ME3: variants seen among roughly 807,000 people sequenced by gnomAD.
ME3 encodes malic enzyme 3, also known as NADP-dependent malic enzyme, mitochondrial.
ME3 carries 48 observed loss-of-function variants against 68.9 expected under a neutral mutation model. That is an observed-to-expected ratio of 0.70 (90% CI 0.55 to 0.89). ME3 has a LOEUF of 0.89. Among genes scored for constraint, ME3 ranks in the 40% least tolerant of loss-of-function variants. The probability of loss-of-function intolerance (pLI) is 0.00; values close to 1 mark genes in which losing one functional copy is unlikely to be tolerated. For synonymous variants in ME3, 320 were observed against 318.8 expected (o/e 1.00, Z -0.04); for missense variants, 675 against 797.4 (o/e 0.85, Z 1.85).
rs542654325 is a variant in ME3 at position 86,525,535 on chromosome 11, A to G, written c.468-16668T>C. Among the ~76,000 whole-genome samples, 17 of 151,994 alleles carry G rather than the reference A, an allele frequency of 1.1e-4. No homozygotes were observed. The South Asian group carries it at 3.5e-3, about 32-fold the overall frequency. ...TTAAAAAAAAAAAAAAAGACCCACT[A>G]TATTTTGCCTACAAAAGATTCAGTT... On this transcript the variant is annotated intron_variant, in intron 4 of 14. Transcript: ENST00000543262.
chr11:86,449,935 G>A, exon 10 of ME3: 1 of 1,614,068 alleles, frequency 6.2e-7, no homozygotes. Flanking sequence ...CTTTCTTGTG[G>A]CCTCTGCCTT....
chr11:86,645,751 A>G (rs913246527), intron 2 of ME3, among the ~76,000 whole-genome samples: 1 of 152,146 alleles, frequency 6.6e-6, no homozygotes, highest in Non-Finnish European at 1.5e-5. Flanking sequence ...GTGCCTCCTG[A>G]AGGAGAGACA....
At chr11:86,599,274 A>C (rs771571658) in intron 2 of ME3, among the ~76,000 whole-genome samples, 26 of 152,238 alleles carry the variant, frequency 1.7e-4, no homozygotes, top group Non-Finnish European at 3.7e-4. Context: ...ATGAAGCTGA[A>C]AGCCAAGGCT....
chr11:86,620,634 A>C (rs1226023077), intron 2 of ME3, among the ~76,000 whole-genome samples: 1 of 152,240 alleles, frequency 6.6e-6, no homozygotes, highest in Non-Finnish European at 1.5e-5. Flanking sequence ...GGGAACAATC[A>C]TTAAAGGGAG....
At chr11:86,498,231 T>G in intron 5 of ME3, 107 bp from the exon 6 acceptor site, 1 of 1,334,540 alleles carries the variant, frequency 7.5e-7, no homozygotes. Flanking sequence ...GCCCACTGAC[T>G]TTGCCGGTGT....
intron 4 of ME3, among the ~76,000 whole-genome samples, chr11:86,543,304 A>T (rs991693153): frequency 6.6e-6 from 1 of 152,258 alleles, no homozygotes; most frequent in Non-Finnish European, 1.5e-5. Context: ...ACACATAACC[A>T]TATTAATCTT....
At chr11:86,441,538 G>T in intron 14 of ME3, 98 bp from the exon 15 acceptor site, 1 of 1,186,190 alleles carries the variant, frequency 8.4e-7, no homozygotes. Flanking sequence ...ACACCTTAAG[G>T]AACCAGACTT....
At chr11:86,601,128 C>T in intron 2 of ME3, among the ~76,000 whole-genome samples, 1 of 150,486 alleles carries the variant, frequency 6.6e-6, no homozygotes, top group Non-Finnish European at 1.5e-5. Context: ...GAAATAGAGA[C>T]ACAAAAAACC....
At chr11:86,485,083 G>A (rs1179709143) in intron 7 of ME3, among the ~76,000 whole-genome samples, 2 of 152,206 alleles carry the variant, frequency 1.3e-5, no homozygotes, top group Admixed American at 1.3e-4. Flanking sequence ...CCCACAGACA[G>A]TCCAGTGCAA....
At chr11:86,521,537 G>A (rs1954313006) in intron 4 of ME3, among the ~76,000 whole-genome samples, 2 of 151,912 alleles carry the variant, frequency 1.3e-5, no homozygotes, top group Admixed American at 6.6e-5. Flanking sequence ...AAAGTCAGTC[G>A]TAAAGGAGCC....
At chr11:86,671,455 A>G (rs1389118550) in intron 2 of ME3, among the ~76,000 whole-genome samples, 6 of 152,212 alleles carry the variant, frequency 3.9e-5, no homozygotes, top group Non-Finnish European at 5.9e-5. Flanking sequence ...AAGACCAATA[A>G]AATTAGTAAG....
chr11:86,631,347 G>T (rs1944002044), intron 2 of ME3, among the ~76,000 whole-genome samples: 1 of 152,166 alleles, frequency 6.6e-6, no homozygotes, highest in African/African-American at 2.4e-5. Context: ...AGGAGGGATA[G>T]AAAAGTTACA....
In ME3 at chr11:86,595,863, G is replaced by A. The variant is rs1342652680; in HGVS notation, c.184-36040C>T. Among the ~76,000 whole-genome samples, 5 of 152,228 alleles carry A rather than the reference G, an allele frequency of 3.3e-5. 1 individual carries two copies. Among genetic ancestry groups the A allele is most frequent in the Admixed American group, 3.3e-4 (5 of 15,288 alleles). ...ATGCTGTTATGGGGAAAGAAGTTGTGTTAGAGGGCACCTCTGGGTGGGCCC... is the reference window on the plus strand; with the variant it reads ...ATGCTGTTATGGGGAAAGAAGTTGTATTAGAGGGCACCTCTGGGTGGGCCC... On this transcript the variant is annotated intron_variant, in intron 2 of 14. Coordinates refer to ENST00000543262, the Ensembl canonical transcript of ME3.
rs1236136308 is a variant in ME3 at position 86,575,354 on chromosome 11, C to T, written c.184-15531G>A. ...ATGTTCTTACCCTCTTGTCACATTA[C>T]GAAAGGGAGTTATTTCTCTAGACCT... On this transcript the variant is annotated intron_variant, in intron 2 of 14. Coordinates refer to ENST00000543262, the Ensembl canonical transcript of ME3. Among the ~76,000 whole-genome samples the T allele has an allele frequency of 4.1e-5, 6 of 146,644 alleles. 1 individual carries two copies. The highest frequency in any genetic ancestry group is 1.1e-4 in the African/African-American group (4 of 37,932).
intron 2 of ME3, among the ~76,000 whole-genome samples, chr11:86,565,708 A>C (rs902879303): frequency 6.6e-6 from 1 of 152,226 alleles, no homozygotes; most frequent in Non-Finnish European, 1.5e-5. Flanking sequence ...GCATGTTTTA[A>C]ATATAAGCCT....
Position 86,613,943 on chromosome 11 carries a change from T to G in ME3, c.184-54120A>C, listed in dbSNP as rs991969703. ...TATACCCATCAAACTACCATTGATATTCTTCCTAGAATTAGAAAAAAATCT... is the reference window on the plus strand; with the variant it reads ...TATACCCATCAAACTACCATTGATAGTCTTCCTAGAATTAGAAAAAAATCT... On this transcript the variant is annotated intron_variant, in intron 2 of 14. Coordinates refer to ENST00000543262, the Ensembl canonical transcript of ME3. Among the ~76,000 whole-genome samples the G allele has an allele frequency of 2.0e-5, 3 of 152,214 alleles. No individual in the cohort carries two copies. In the East Asian group the frequency reaches 5.8e-4, roughly 29 times the overall value.
At chr11:86,557,241 C>A (rs553065471) in intron 3 of ME3, among the ~76,000 whole-genome samples, 2 of 152,286 alleles carry the variant, frequency 1.3e-5, no homozygotes, top group East Asian at 3.9e-4. Context: ...TGGTTCCTGT[C>A]ACGAGTTGTG....
intron 2 of ME3, among the ~76,000 whole-genome samples, chr11:86,564,216 ATCT>A (rs1957369311): frequency 6.6e-6 from 1 of 152,100 alleles, no homozygotes; most frequent in African/African-American, 2.4e-5. Context: ...CTATCTGTAT[ATCT>A]TCTTTGGTAA....
At chr11:86,666,810 G>C (rs1011134777) in intron 2 of ME3, among the ~76,000 whole-genome samples, 1 of 152,178 alleles carries the variant, frequency 6.6e-6, no homozygotes, top group Admixed American at 6.5e-5. Context: ...CTGCCTTCCA[G>C]CATCACCAAT....
Sources: allele counts gnomAD v4.1 joint callset (sites outside exome capture counted in the v4.1 genomes callset), GRCh38; gene constraint gnomAD v4.1.1; transcripts MANE v1.5; gene names NCBI Gene and HGNC (gene_info 2026-07-23, HGNC 2026-07-21).